DTX3: variants seen among roughly 807,000 people sequenced by gnomAD.
DTX3 encodes E3 ubiquitin-protein ligase DTX3.
DTX3 carries 10 observed loss-of-function variants against 27.4 expected under a neutral mutation model. That is an observed-to-expected ratio of 0.36 (90% CI 0.22 to 0.62). The LOEUF (loss-of-function observed/expected upper bound fraction) is 0.62, where lower values mean the gene tolerates loss of function less well. Ranked by LOEUF, DTX3 falls within the 20% of genes least tolerant of loss-of-function variation. DTX3 has a pLI of 0.68. For missense variants in DTX3, 319 were observed against 463.8 expected (o/e 0.69, Z 2.87); for synonymous variants, 171 against 190.7 (o/e 0.90, Z 0.85).
In DTX3 at chr12:57,607,327, A is replaced by C. The variant is rs1295535658; in HGVS notation, c.464A>C (p.Glu155Ala). 4 of 1,317,046 alleles carry C rather than the reference A, an allele frequency of 3.0e-6. No individual in the cohort carries two copies. In the South Asian group the frequency reaches 4.7e-5, roughly 15 times the overall value. The allele number at this position is 1,317,046 out of a possible 1,614,324, so 81.6% of individuals were successfully genotyped here. The change falls in exon 5 of 7, where the codon GAG (glutamate) becomes GCG (alanine). Residue 155 changes from glutamate (E) to alanine (A), a missense_variant. This residue lies in a region of DTX3 where 202 missense variants were observed against 205.3 expected (regional missense o/e 0.98). Coordinates refer to ENST00000337737, the MANE Select transcript of DTX3 (RefSeq NM_178502.4). The surrounding 1 kb of genome is among the most constrained non-coding windows in gnomAD (Gnocchi z 7.7). ...CCACCTCTTCCTCCTCGCCTTCGGG[A>C]GGAGGCAGAAGAGCAGGAGAGCACC... ...LPPPLPPRLR[E>A]EAEEQESTCP...
At position 57,606,969 on chromosome 12, in the gene DTX3, C is replaced by T. The variant is rs771323518; in HGVS notation, c.106C>T (p.Arg36Trp). Residue 36 changes from arginine to tryptophan, a missense_variant, in exon 5 of 7, where the codon CGG becomes TGG. By Grantham distance (101) the Arg-to-Trp change is moderately radical. Coordinates refer to ENST00000337737, the MANE Select transcript of DTX3 (RefSeq NM_178502.4). Reference protein sequence around the residue: ...WDFLSKETPARLARLREEHRV... With the variant: ...WDFLSKETPAWLARLREEHRV... ...CTTCCTGAGCAAAGAGACCCCAGCCCGGCTGGCCCGGCTTCGGGAGGAGCA... is the reference window on the plus strand; with the variant it reads ...CTTCCTGAGCAAAGAGACCCCAGCCTGGCTGGCCCGGCTTCGGGAGGAGCA... The T allele has an allele frequency of 6.2e-6, 10 of 1,614,220 alleles. No homozygotes were observed. Among genetic ancestry groups the T allele is most frequent in the South Asian group, 1.1e-5 (1 of 91,082 alleles).
At position 57,609,449 on chromosome 12, in the gene DTX3, T is replaced by A; in HGVS notation, c.*297T>A. On this transcript the variant is annotated 3_prime_UTR_variant, in exon 7 of 7. Transcript: ENST00000337737. Reference sequence around the variant, plus strand: ...CCCCTCCATTGCCCTTGGCTTTTTCTGGTATGTGCTGTGCTCCACGACCAA... The same window carrying A: ...CCCCTCCATTGCCCTTGGCTTTTTCAGGTATGTGCTGTGCTCCACGACCAA... 1 of 399,654 alleles carries A rather than the reference T, an allele frequency of 2.5e-6. No individual in the cohort carries two copies. Among genetic ancestry groups the A allele is most frequent in the Admixed American group, 3.6e-5 (1 of 27,588 alleles). 24.8% of individuals were successfully genotyped at this position (399,654 alleles called of 1,614,324 possible). A position where few individuals can be genotyped will look rare whatever the true frequency, so the allele number is the denominator to read the frequency against.
In DTX3 at chr12:57,608,815, G is replaced by A. The variant is rs751111678; in HGVS notation, c.968+78G>A. 1.1e-5 allele frequency: 16 copies of A among 1,506,472 alleles called. No individual in the cohort carries two copies. The highest frequency in any genetic ancestry group is 6.9e-5 in the African/African-American group (5 of 72,138). The allele number at this position is 1,506,472 out of a possible 1,614,324, so 93.3% of individuals were successfully genotyped here. A position where few individuals can be genotyped will look rare whatever the true frequency, so the allele number is the denominator to read the frequency against. Reference sequence around the variant, plus strand: ...CCACTGAGGGACCCACCAACCCCTCGCTCACGGAGCCTCCTAACTGGAGAG... The same window carrying A: ...CCACTGAGGGACCCACCAACCCCTCACTCACGGAGCCTCCTAACTGGAGAG... On this transcript the variant is annotated intron_variant, in intron 6 of 6. Coordinates refer to ENST00000337737, the MANE Select transcript of DTX3 (RefSeq NM_178502.4). This position sits in a 1 kb window ranked among gnomAD's most constrained non-coding sequence, Gnocchi z 6.1.
In DTX3 at chr12:57,607,728, T is replaced by A. The variant is rs749075136; in HGVS notation, c.750+115T>A. The A allele has an allele frequency of 8.6e-6, 12 of 1,403,250 alleles. No homozygotes were observed. The highest frequency in any genetic ancestry group is 1.2e-5 in the Non-Finnish European group (12 of 1,007,928). The allele number at this position is 1,403,250 out of a possible 1,614,324, so 86.9% of individuals were successfully genotyped here. ...GTGAGACAGTCTTGCTGTCTTCCACTGTGCCCTCCTACTCAGTGCCCTGGA... is the reference window on the plus strand; with the variant it reads ...GTGAGACAGTCTTGCTGTCTTCCACAGTGCCCTCCTACTCAGTGCCCTGGA... On this transcript the variant is annotated intron_variant, in intron 5 of 6. Transcript: ENST00000337737. The surrounding 1 kb of genome is among the most constrained non-coding windows in gnomAD (Gnocchi z 7.7).
In DTX3 at chr12:57,607,314, C is replaced by G. The variant is rs752141567; in HGVS notation, c.451C>G (p.Pro151Ala). Reference protein sequence around the residue: ...PPPPLPPPLPPRLREEAEEQE... With the variant: ...PPPPLPPPLPARLREEAEEQE... ...TCCCCCCCTGCCCCCACCTCTTCCT[C>G]CTCGCCTTCGGGAGGAGGCAGAAGA... The change falls in exon 5 of 7, where the codon CCT becomes GCT. Residue 151 changes from proline (P) to alanine (A), a missense_variant. Pro to Ala is a conservative substitution (Grantham distance 27, BLOSUM62 -1). Transcript: ENST00000337737. This position sits in a 1 kb window ranked among gnomAD's most constrained non-coding sequence, Gnocchi z 7.7. 1 of 1,578,964 alleles carries G rather than the reference C, an allele frequency of 6.3e-7. No homozygotes were observed. Among genetic ancestry groups the G allele is most frequent in the African/African-American group, 1.4e-5 (1 of 73,910 alleles).
At position 57,607,761 on chromosome 12, in the gene DTX3, G is replaced by T. The variant is rs754884673; in HGVS notation, c.750+148G>T. The T allele has an allele frequency of 5.8e-5, 61 of 1,051,446 alleles. No individual in the cohort carries two copies. The highest frequency in any genetic ancestry group is 8.1e-5 in the Non-Finnish European group (58 of 718,618). 65.1% of individuals were successfully genotyped at this position (1,051,446 alleles called of 1,614,324 possible). On this transcript the variant is annotated intron_variant, in intron 5 of 6. Transcript: ENST00000337737. This position sits in a 1 kb window ranked among gnomAD's most constrained non-coding sequence, Gnocchi z 7.7. ...CCTACTCAGTGCCCTGGACCTAGGAGGTCCCCGTGAGGCCCAGCCTTTCCA... is the reference window on the plus strand; with the variant it reads ...CCTACTCAGTGCCCTGGACCTAGGATGTCCCCGTGAGGCCCAGCCTTTCCA...
rs776105033 is a variant in DTX3, at chr12:57,607,176, T to C, written c.313T>C (p.Cys105Arg). 8 of 1,613,780 alleles carry C rather than the reference T, an allele frequency of 5.0e-6. No individual in the cohort carries two copies. The Middle Eastern group carries it at 5.0e-4, about 100-fold the overall frequency. ...KAQRQGELMG[C>R]LALGGGGEHP... The stretch of plus-strand genomic sequence containing the variant: ...TCAGAGGCAGGGGGAGCTGATGGGC[T>C]GCCTGGCTCTGGGGGGTGGAGGGGA... The change falls in exon 5 of 7, where the codon TGC (cysteine) becomes CGC (arginine). Residue 105 changes from cysteine (C) to arginine (R), a missense_variant. By Grantham distance (180) the Cys-to-Arg change is radical (BLOSUM62 -3). Transcript: ENST00000337737. The surrounding 1 kb of genome is among the most constrained non-coding windows in gnomAD (Gnocchi z 7.7).
rs1413237640 is a variant in DTX3 at position 57,607,113 on chromosome 12, G to C, written c.250G>C (p.Gly84Arg). The C allele has an allele frequency of 3.7e-6, 6 of 1,614,210 alleles. No homozygotes were observed. The highest frequency in any genetic ancestry group is 5.1e-6 in the Non-Finnish European group (6 of 1,180,036). Residue 84 changes from glycine (G) to arginine (R), a missense_variant, in exon 5 of 7, where the codon GGG (glycine) becomes CGG (arginine). Around this residue, in one of 2 missense-constraint regions of DTX3, gnomAD observed 202 missense variants for 205.3 expected, o/e 0.98. Coordinates refer to ENST00000337737, the MANE Select transcript of DTX3 (RefSeq NM_178502.4). This position sits in a 1 kb window ranked among gnomAD's most constrained non-coding sequence, Gnocchi z 7.7. ...CTACCTAGCCCGGAAGGCTCTCAAGGGGCTGCTAAAAGAGGCAGAGAAAGA... is the reference window on the plus strand; with the variant it reads ...CTACCTAGCCCGGAAGGCTCTCAAGCGGCTGCTAAAAGAGGCAGAGAAAGA... ...GLYLARKALK[G>R]LLKEAEKELK...
In DTX3 at chr12:57,609,154, G is replaced by A. The variant is rs1883900189; in HGVS notation, c.*2G>A. 6.2e-7 allele frequency: 1 copy of A among 1,613,970 alleles called. No individual in the cohort carries two copies. The highest frequency in any genetic ancestry group is 1.1e-5 in the South Asian group (1 of 91,082). Reference sequence around the variant, plus strand: ...GCGAAGGGTATCACAGATGACTGAAGGACATCGCCTTTGCCAAGGCCCCTG... The same window carrying A: ...GCGAAGGGTATCACAGATGACTGAAAGACATCGCCTTTGCCAAGGCCCCTG... On this transcript the variant is annotated 3_prime_UTR_variant, in exon 7 of 7. Transcript: ENST00000337737.
intron 1 of DTX3, chr12:57,605,135 G>C (rs1368151844): frequency 6.6e-6 from 1 of 152,498 alleles, no homozygotes; most frequent in Non-Finnish European, 1.5e-5. Context: ...TGGGGAGTTG[G>C]TTCCGGGTCG....
chr12:57,609,040 G>A (rs750461540), intron 6 of DTX3, 37 bp from the exon 7 acceptor site: 3 of 1,594,196 alleles, frequency 1.9e-6, no homozygotes, highest in Non-Finnish European at 8.6e-7. Context: ...AGTTCAAACA[G>A]CTAACAACCC....
Position 57,609,210 on chromosome 12 carries a change from C to A in DTX3, c.*58C>A. The A allele has an allele frequency of 1.3e-6, 2 of 1,506,736 alleles. No individual in the cohort carries two copies. The highest frequency in any genetic ancestry group is 1.8e-6 in the Non-Finnish European group (2 of 1,085,454). The allele number at this position is 1,506,736 out of a possible 1,614,324, so 93.3% of individuals were successfully genotyped here. A position where few individuals can be genotyped will look rare whatever the true frequency, so the allele number is the denominator to read the frequency against. Reference sequence around the variant, plus strand: ...TGCCTCTACTAGGACCCAGCAGAAGCCTCTTTCTCCTCTCTGCCCCCTGCC... The same window carrying A: ...TGCCTCTACTAGGACCCAGCAGAAGACTCTTTCTCCTCTCTGCCCCCTGCC... On this transcript the variant is annotated 3_prime_UTR_variant, in exon 7 of 7. Transcript: ENST00000337737.
chr12:57,608,122 A>G lies in DTX3; in HGVS notation c.751-398A>G, dbSNP rs1242997741. ...GCACAGAAGAGTGATGGAAAATGGA[A>G]CAAGTTAGACAGTGGCAGAAACATT... On this transcript the variant is annotated intron_variant, in intron 5 of 6. Coordinates refer to ENST00000337737, the MANE Select transcript of DTX3 (RefSeq NM_178502.4). The surrounding 1 kb of genome is among the most constrained non-coding windows in gnomAD (Gnocchi z 6.1). Among the ~76,000 whole-genome samples the G allele has an allele frequency of 6.6e-6, 1 of 152,200 alleles. No homozygotes were observed. Among genetic ancestry groups the G allele is most frequent in the Non-Finnish European group, 1.5e-5 (1 of 68,034 alleles).
Position 57,607,014 on chromosome 12 carries a change from G to A in DTX3, c.151G>A (p.Asp51Asn). Reference protein sequence around the residue: ...REEHRVSILIDGETSDIYVLQ... With the variant: ...REEHRVSILINGETSDIYVLQ... ...GGAGCACCGTGTGTCCATCCTCATAGATGGCGAGACTTCTGACATCTATGT... is the reference window on the plus strand; with the variant it reads ...GGAGCACCGTGTGTCCATCCTCATAAATGGCGAGACTTCTGACATCTATGT... The change falls in exon 5 of 7, where the codon GAT becomes AAT. Residue 51 changes from aspartate to asparagine, a missense_variant. Physicochemically the swap from Asp to Asn is conservative, Grantham distance 23. Transcript: ENST00000337737. The surrounding 1 kb of genome is among the most constrained non-coding windows in gnomAD (Gnocchi z 7.7). The A allele has an allele frequency of 6.2e-7, 1 of 1,614,216 alleles. No individual in the cohort carries two copies. The highest frequency in any genetic ancestry group is 2.2e-5 in the East Asian group (1 of 44,880).
chr12:57,607,090 A>G lies in DTX3; in HGVS notation c.227A>G (p.Tyr76Cys), dbSNP rs201579033. ...CCCCCGGCCCCTCCAAATGGGCTCT[A>G]CCTAGCCCGGAAGGCTCTCAAGGGG... is the stretch of plus-strand genomic sequence containing the variant. ...GPPPAPPNGLYLARKALKGLL... is the reference protein window; with the variant it reads ...GPPPAPPNGLCLARKALKGLL... Residue 76 changes from tyrosine to cysteine, a missense_variant, in exon 5 of 7, where the codon TAC becomes TGC. By Grantham distance (194) the Tyr-to-Cys change is radical. Transcript: ENST00000337737. The surrounding 1 kb of genome is among the most constrained non-coding windows in gnomAD (Gnocchi z 7.7). 3 of 1,614,142 alleles carry G rather than the reference A, an allele frequency of 1.9e-6. No homozygotes were observed. In the African/African-American group the frequency reaches 4.0e-5, roughly 22 times the overall value.
At position 57,609,326 on chromosome 12, in the gene DTX3, A is replaced by G. The variant is rs1883912637; in HGVS notation, c.*174A>G. 1 of 637,254 alleles carries G rather than the reference A, an allele frequency of 1.6e-6. No individual in the cohort carries two copies. 39.5% of individuals were successfully genotyped at this position (637,254 alleles called of 1,614,324 possible). ...CCCTTCCCCCATCCCCCACTGGCCAAGTGTTTCAATGCAGTGTGAGCCACT... is the reference window on the plus strand; with the variant it reads ...CCCTTCCCCCATCCCCCACTGGCCAGGTGTTTCAATGCAGTGTGAGCCACT... On this transcript the variant is annotated 3_prime_UTR_variant, in exon 7 of 7. Coordinates refer to ENST00000337737, the MANE Select transcript of DTX3 (RefSeq NM_178502.4).
At chr12:57,605,910 T>C (rs941068763) in intron 2 of DTX3, 179 bp downstream of exon 2, 3 of 152,512 alleles carry the variant, frequency 2.0e-5, no homozygotes, top group African/African-American at 7.2e-5. Context: ...TTCCGGTCCA[T>C]GTGATCTGAG....
At position 57,608,804 on chromosome 12, in the gene DTX3, A is replaced by G. The variant is rs1223947534; in HGVS notation, c.968+67A>G. The G allele has an allele frequency of 1.3e-6, 2 of 1,560,704 alleles. No homozygotes were observed. The highest frequency in any genetic ancestry group is 2.3e-5 in the South Asian group (2 of 87,468). ...TTGTTCCATTTCCACTGAGGGACCC[A>G]CCAACCCCTCGCTCACGGAGCCTCC... On this transcript the variant is annotated intron_variant, in intron 6 of 6. Transcript: ENST00000337737. The surrounding 1 kb of genome is among the most constrained non-coding windows in gnomAD (Gnocchi z 6.1).
At position 57,609,690 on chromosome 12, in the gene DTX3, G is replaced by C. The variant is rs1028315153; in HGVS notation, c.*538G>C. ...CCTGTGTCTCAGTCTCCGTCAGTCT[G>C]TCTTTCTCCGCTCTTCTCTGACCCC... is the stretch of plus-strand genomic sequence containing the variant. On this transcript the variant is annotated 3_prime_UTR_variant, in exon 7 of 7. Coordinates refer to ENST00000337737, the MANE Select transcript of DTX3 (RefSeq NM_178502.4). The C allele has an allele frequency of 1.8e-5, 3 of 163,462 alleles. No individual in the cohort carries two copies. The highest frequency in any genetic ancestry group is 7.2e-5 in the African/African-American group (3 of 41,654). 10.1% of individuals were successfully genotyped at this position (163,462 alleles called of 1,614,324 possible).
Sources: allele counts gnomAD v4.1 joint callset (sites outside exome capture counted in the v4.1 genomes callset), GRCh38; gene constraint gnomAD v4.1.1; regional missense constraint gnomAD v4.1.1; non-coding constraint Gnocchi (gnomAD v3.1); transcripts MANE v1.5; gene names NCBI Gene and HGNC (gene_info 2026-07-23, HGNC 2026-07-21).